Variants in MTMR8 observed in about 807,000 individuals in gnomAD.
MTMR8 encodes the protein myotubularin related protein 8.
MTMR8 carries 65 observed loss-of-function variants against 39.3 expected under a neutral mutation model. The observed-to-expected ratio is 1.65, with a 90% confidence interval of 1.35 to 2.03. The LOEUF is 2.03. Among genes scored for constraint, MTMR8 ranks in the 30% most tolerant of loss-of-function variants. MTMR8 has a pLI of 0.00. For missense variants in MTMR8, 777 were observed against 538.9 expected (o/e 1.44, Z -4.37); for synonymous variants, 245 against 185.2 (o/e 1.32, Z -2.62).
chrX:64,389,683 G>A (rs1247756446), intron 1 of MTMR8, among the ~76,000 whole-genome samples: 2 of 111,624 alleles, frequency 1.8e-5, no homozygotes, highest in Non-Finnish European at 3.8e-5. Flanking sequence ...CACCTCCCAT[G>A]ACTAATGTAT....
intron 12 of MTMR8, among the ~76,000 whole-genome samples, chrX:64,275,287 C>T (rs1273707525): frequency 9.0e-6 from 1 of 110,540 alleles, no homozygotes; most frequent in Non-Finnish European, 1.9e-5. Flanking sequence ...AATCAAAAAC[C>T]TAACTTTATA....
intron 3 of MTMR8, 56 bp from the exon 4 acceptor site, chrX:64,354,990 T>C (rs1392594004): frequency 2.0e-6 from 2 of 986,249 alleles, no homozygotes; most frequent in South Asian, 2.7e-5. Flanking sequence ...CTAAAAATCA[T>C]CAAACAATGC....
At chrX:64,288,356 A>T (rs1921274680) in intron 12 of MTMR8, among the ~76,000 whole-genome samples, 1 of 111,632 alleles carries the variant, frequency 9.0e-6, no homozygotes, top group Non-Finnish European at 1.9e-5. Flanking sequence ...ATCATTAAAA[A>T]GTCAGGAAAC....
intron 12 of MTMR8, among the ~76,000 whole-genome samples, chrX:64,295,553 G>A (rs1291493379): frequency 1.8e-5 from 2 of 111,279 alleles, no homozygotes; most frequent in African/African-American, 6.5e-5. Flanking sequence ...AATATTTGCA[G>A]ATCATATATA....
chrX:64,356,415 G>T, intron 2 of MTMR8, 77 bp from the exon 3 acceptor site: 1 of 944,988 alleles, frequency 1.1e-6, no homozygotes, highest in African/African-American at 1.9e-5. Flanking sequence ...CTGACTCTCC[G>T]TAATGGTAAC....
intron 12 of MTMR8, among the ~76,000 whole-genome samples, chrX:64,273,601 C>T: frequency 9.0e-6 from 1 of 111,049 alleles, no homozygotes; most frequent in Non-Finnish European, 1.9e-5. Context: ...GTAAATCCTC[C>T]CCTATCAATA....
chrX:64,388,204 G>A (rs1924610997), intron 1 of MTMR8, among the ~76,000 whole-genome samples: 1 of 111,528 alleles, frequency 9.0e-6, no homozygotes, highest in Non-Finnish European at 1.9e-5. Flanking sequence ...GTGACACCTG[G>A]CTCTAGAATA....
chrX:64,309,497 G>C (rs760408738), intron 12 of MTMR8, among the ~76,000 whole-genome samples: 47 of 110,946 alleles, frequency 4.2e-4, no homozygotes, highest in Non-Finnish European at 6.8e-4. Flanking sequence ...TTCTAGATTC[G>C]TTGGGATTTT....
rs750571005 is a variant in MTMR8 at position 64,375,779 on chromosome X, T to TGG, written c.25-16253_25-16252insCC. 7.4e-4 allele frequency among the ~76,000 whole-genome samples: 83 copies of TGG among 111,854 alleles called. 1 individual carries two copies. The East Asian group carries it at 0.021, about 28-fold the overall frequency. ...TTGGACTTCACATCCTCCAGAACTG[T>TGG]GAGCAATAAATTCTATTGTCTCACT... On this transcript the variant is annotated intron_variant, in intron 1 of 13. Coordinates refer to ENST00000374852, the MANE Select transcript of MTMR8 (RefSeq NM_017677.4).
At chrX:64,281,018 A>T (rs1308240252) in intron 12 of MTMR8, among the ~76,000 whole-genome samples, 1 of 111,176 alleles carries the variant, frequency 9.0e-6, no homozygotes, top group Non-Finnish European at 1.9e-5. Context: ...TTCAAGGAGA[A>T]CTATAAACCA....
At chrX:64,269,266 T>C (rs1156857351) in intron 13 of MTMR8, among the ~76,000 whole-genome samples, 1 of 111,761 alleles carries the variant, frequency 8.9e-6, no homozygotes, top group South Asian at 3.8e-4. Context: ...ATAAAAGTCA[T>C]CTTTTATGAT....
chrX:64,344,820 C>T (rs779600480), intron 7 of MTMR8, among the ~76,000 whole-genome samples: 1 of 111,544 alleles, frequency 9.0e-6, no homozygotes, highest in African/African-American at 3.3e-5. Context: ...CCCAGATGAA[C>T]TTTATTGAAT....
In MTMR8 at chrX:64,331,366, C is replaced by T. The variant is rs936827220; in HGVS notation, c.1352+191G>A. On this transcript the variant is annotated intron_variant, in intron 11 of 13. Transcript: ENST00000374852. ...AGTAGGCATTATTATCCCTATTTTA[C>T]AGATGAGATATCTTAGGGTTCTGAG... 7.1e-5 allele frequency: 31 copies of T among 435,077 alleles called. 1 individual carries two copies. In the African/African-American group the frequency reaches 7.2e-4, roughly 10 times the overall value. 35.9% of individuals were successfully genotyped at this position (435,077 alleles called of 1,213,427 possible). A position where few individuals can be genotyped will look rare whatever the true frequency, so the allele number is the denominator to read the frequency against.
At chrX:64,334,283 G>C (rs887566042) in intron 10 of MTMR8, among the ~76,000 whole-genome samples, 1 of 109,756 alleles carries the variant, frequency 9.1e-6, no homozygotes, top group African/African-American at 3.3e-5. Flanking sequence ...AATAAACCCA[G>C]CTACCTCAGG....
chrX:64,321,589 T>C (rs1052029226), intron 12 of MTMR8, among the ~76,000 whole-genome samples: 3 of 111,468 alleles, frequency 2.7e-5, no homozygotes, highest in African/African-American at 9.8e-5. Context: ...CTGTAGAAGA[T>C]TAGTAAGCAG....
At chrX:64,277,421 C>G (rs1014213074) in intron 12 of MTMR8, among the ~76,000 whole-genome samples, 37 of 111,982 alleles carry the variant, frequency 3.3e-4, no homozygotes, top group Non-Finnish European at 6.8e-4. Flanking sequence ...CCTTCAGGAG[C>G]TCTTGTAAGG....
intron 12 of MTMR8, among the ~76,000 whole-genome samples, chrX:64,309,725 C>T (rs1202957966): frequency 8.9e-6 from 1 of 112,114 alleles, no homozygotes; most frequent in African/African-American, 3.2e-5. Context: ...GCAATTGTCA[C>T]AGTAAAGTGA....
chrX:64,272,158 C>T (rs1014264482), intron 12 of MTMR8, among the ~76,000 whole-genome samples: 1 of 111,458 alleles, frequency 9.0e-6, no homozygotes, highest in African/African-American at 3.3e-5. Flanking sequence ...ATTCTTCTGA[C>T]GTGCAGAAAA....
intron 5 of MTMR8, among the ~76,000 whole-genome samples, 180 bp downstream of exon 5, chrX:64,349,762 A>C (rs1383128899): frequency 8.9e-6 from 1 of 112,148 alleles, no homozygotes; most frequent in Non-Finnish European, 1.9e-5. Context: ...TACAATTTAC[A>C]AAGTACATTG....
Sources: gnomAD v4.1 joint callset for allele counts (sites outside exome capture counted in the v4.1 genomes callset) on GRCh38, gnomAD v4.1.1 for gene constraint, MANE v1.5 for transcripts, NCBI Gene and HGNC (gene_info 2026-07-23, HGNC 2026-07-21) for gene names.